Variants in FUS observed in about 807,000 individuals in gnomAD.
FUS encodes the protein FUS RNA binding protein.
FUS carries 5 observed loss-of-function variants against 82.7 expected under a neutral mutation model. The ratio of observed to expected loss-of-function variants is 0.06; its 90% CI spans 0.03 to 0.13. FUS has a LOEUF of 0.13. Ranked by LOEUF, FUS falls within the 10% of genes least tolerant of loss-of-function variation. FUS has a pLI of 1.00. For synonymous variants in FUS, 281 were observed against 247.4 expected (o/e 1.14, Z -1.27); for missense variants, 512 against 707.8 (o/e 0.72, Z 3.14).
At chr16:31,189,900 T>G (rs2079327254) in intron 10 of FUS, 106 bp downstream of exon 10, 2 of 1,596,454 alleles carry the variant, frequency 1.3e-6, no homozygotes, top group Non-Finnish European at 1.7e-6. Context: ...AACACTTACT[T>G]TAGCTGCGGT....
In FUS at chr16:31,185,076, AGTG is replaced by A. The variant is rs774111102; in HGVS notation, c.666_668del (p.Gly231del). On this transcript the variant is annotated inframe_deletion, in exon 6 of 15. Coordinates refer to ENST00000254108, the MANE Select transcript of FUS (RefSeq NM_004960.4). The stretch of plus-strand genomic sequence containing the variant: ...CCGTGGAGGCCGCGGCAGGGGTGGC[AGTG>A]GTGGCGGCGGCGGCGGCGGCGGTGG... 2 of 1,609,554 alleles carry A rather than the reference AGTG, an allele frequency of 1.2e-6. No homozygotes were observed. Among genetic ancestry groups the A allele is most frequent in the African/African-American group, 2.7e-5 (2 of 74,696 alleles).
At position 31,191,477 on chromosome 16, in the gene FUS, C is replaced by G. The variant is rs1181204966; in HGVS notation, c.*39C>G. 1.9e-6 allele frequency: 3 copies of G among 1,608,688 alleles called. No individual in the cohort carries two copies. The highest frequency in any genetic ancestry group is 1.3e-5 in the African/African-American group (1 of 74,624). On this transcript the variant is annotated 3_prime_UTR_variant, in exon 15 of 15. Transcript: ENST00000254108. ...CCAGGTTCTGGAACAGCTTTTTGTC[C>G]TGTACCCAGTGTTACCCTCGTTATT...
Position 31,189,374 on chromosome 16 carries a change from TA to T in FUS, c.936+149del, listed in dbSNP as rs1250674170. 2.4e-5 allele frequency: 19 copies of T among 798,744 alleles called. No homozygotes were observed. The East Asian group carries it at 4.8e-4, about 20-fold the overall frequency. 49.5% of individuals were successfully genotyped at this position (798,744 alleles called of 1,614,324 possible). ...GCTTAATTTGTTGAGGAAAGAGCCT[TA>T]GTTACTGTTTTCTAAAAGAGAAGTT... On this transcript the variant is annotated intron_variant, in intron 9 of 14. Transcript: ENST00000254108.
chr16:31,184,690 G>A (rs539572841), intron 5 of FUS, among the ~76,000 whole-genome samples: 20 of 152,100 alleles, frequency 1.3e-4, no homozygotes, highest in Middle Eastern at 6.8e-3. Flanking sequence ...TGATCCGCCC[G>A]CCTTGGCCTC....
chr16:31,180,126 A>G (rs538000979), upstream of FUS: 55 of 1,552,284 alleles, frequency 3.5e-5, no homozygotes, highest in South Asian at 6.2e-4. Flanking sequence ...GCTTCGACGC[A>G]GGAGGCGGGG....
chr16:31,184,438 CTTTTT>C (rs370126678), intron 5 of FUS, 42 bp downstream of exon 5: 234 of 1,210,872 alleles, frequency 1.9e-4, no homozygotes, highest in South Asian at 2.2e-4. Context: ...TTTTCTTTTT[CTTTTT>C]TTTTTTTTTT....
Position 31,191,051 on chromosome 16 carries a change from C to T in FUS, c.1482C>T (p.Phe494=), listed in dbSNP as rs747493802. 11 of 1,613,242 alleles carry T rather than the reference C, an allele frequency of 6.8e-6. No homozygotes were observed. Residue 494 remains phenylalanine, a synonymous_variant, in exon 14 of 15, where the codon TTC becomes TTT. Coordinates refer to ENST00000254108, the MANE Select transcript of FUS (RefSeq NM_004960.4). ...GCCGCGGCGGGGACCGTGGAGGCTT[C>T]CGAGGGGGCCGGGGTGGTGGGGACA... is the stretch of plus-strand genomic sequence containing the variant. ...YRGRGGDRGG[F]RGGRGGGDRG...
intron 6 of FUS, 41 bp downstream of exon 6, chr16:31,185,220 T>C (rs2079250226): frequency 6.4e-7 from 1 of 1,565,510 alleles, no homozygotes; most frequent in South Asian, 1.2e-5. Context: ...TGGTGGGGAG[T>C]GTGGAGGATT....
chr16:31,190,947 G>A lies in FUS; in HGVS notation c.1394-16G>A. 1 of 1,610,706 alleles carries A rather than the reference G, an allele frequency of 6.2e-7. No individual in the cohort carries two copies. The highest frequency in any genetic ancestry group is 2.2e-5 in the East Asian group (1 of 44,784). On this transcript the variant is annotated splice_polypyrimidine_tract_variant and intron_variant, in intron 13 of 14. Coordinates refer to ENST00000254108, the MANE Select transcript of FUS (RefSeq NM_004960.4). ...GGGGAATGGGAATATGATAGATCTT[G>A]TTTCTTTTGTCCTAGGGGGTAACTA...
intron 11 of FUS, 51 bp downstream of exon 11, chr16:31,190,192 A>C (rs749259015): frequency 2.0e-5 from 33 of 1,613,936 alleles, no homozygotes; most frequent in Admixed American, 3.3e-5. Context: ...AGAGTGCAGA[A>C]GATGGTAAAG....
At position 31,188,246 on chromosome 16, in the gene FUS, C is replaced by T. The variant is rs148885618; in HGVS notation, c.800-79C>T. On this transcript the variant is annotated intron_variant, in intron 7 of 14. Transcript: ENST00000254108. Reference sequence around the variant, plus strand: ...TTTGGTGTTAATTTTTTTCCTTGTCCGTTTTTTCCTGTTGACTAACGGCTC... The same window carrying T: ...TTTGGTGTTAATTTTTTTCCTTGTCTGTTTTTTCCTGTTGACTAACGGCTC... 1.8e-4 allele frequency: 265 copies of T among 1,482,254 alleles called. No homozygotes were observed. The African/African-American group carries it at 3.1e-3, about 17-fold the overall frequency. 91.8% of individuals were successfully genotyped at this position (1,482,254 alleles called of 1,614,324 possible). A position where few individuals can be genotyped will look rare whatever the true frequency, so the allele number is the denominator to read the frequency against.
Position 31,191,130 on chromosome 16 carries a change from TAA to T in FUS, c.1541+25_1541+26del. The stretch of plus-strand genomic sequence containing the variant: ...TTCCAGGTAAGACTTTAAATCAGAA[TAA>T]AAAAGTAGAGCAGTTGAACAGAGGC... On this transcript the variant is annotated intron_variant, in intron 14 of 14. Transcript: ENST00000254108. The T allele has an allele frequency of 6.2e-7, 1 of 1,611,460 alleles. No homozygotes were observed. Among genetic ancestry groups the T allele is most frequent in the Non-Finnish European group, 8.5e-7 (1 of 1,179,588 alleles).
intron 12 of FUS, 69 bp downstream of exon 12, chr16:31,190,467 A>T: frequency 6.2e-7 from 1 of 1,606,588 alleles, no homozygotes; most frequent in Non-Finnish European, 8.5e-7. Context: ...GTACTGAGGT[A>T]TGTGCGTGTT....
At chr16:31,185,288 G>T in intron 6 of FUS, 109 bp downstream of exon 6, 2 of 1,300,262 alleles carry the variant, frequency 1.5e-6, no homozygotes. Flanking sequence ...TGTTGTCTAG[G>T]GATCTGTGAG....
Position 31,188,310 on chromosome 16 carries a change from T to G in FUS, c.800-15T>G. The G allele has an allele frequency of 6.2e-7, 1 of 1,612,732 alleles. No homozygotes were observed. The highest frequency in any genetic ancestry group is 1.3e-5 in the African/African-American group (1 of 74,916). ...TTTTGTTTTTTTTTTGTTCTTTTTTTCCATGTCACTAAAGGCCCTCGGGAC... is the reference window on the plus strand; with the variant it reads ...TTTTGTTTTTTTTTTGTTCTTTTTTGCCATGTCACTAAAGGCCCTCGGGAC... On this transcript the variant is annotated splice_polypyrimidine_tract_variant and intron_variant, in intron 7 of 14. Transcript: ENST00000254108.
chr16:31,188,030 A>G lies in FUS; in HGVS notation c.800-295A>G, dbSNP rs950556906. Reference sequence around the variant, plus strand: ...TTAATGGGTCTCCGTTTCCCCTGCCACCTGTGCTGAGGACATTTCCCAGCC... The same window carrying G: ...TTAATGGGTCTCCGTTTCCCCTGCCGCCTGTGCTGAGGACATTTCCCAGCC... On this transcript the variant is annotated intron_variant, in intron 7 of 14. Coordinates refer to ENST00000254108, the MANE Select transcript of FUS (RefSeq NM_004960.4). 7 of 501,780 alleles carry G rather than the reference A, an allele frequency of 1.4e-5. 1 individual carries two copies. The highest frequency in any genetic ancestry group is 2.5e-5 in the Non-Finnish European group (7 of 279,570). The allele number at this position is 501,780 out of a possible 1,614,324, so 31.1% of individuals were successfully genotyped here.
chr16:31,188,347 T>C lies in FUS; in HGVS notation c.822T>C (p.Arg274=), dbSNP rs1176916906. 2 of 1,613,872 alleles carry C rather than the reference T, an allele frequency of 1.2e-6. No homozygotes were observed. The highest frequency in any genetic ancestry group is 2.2e-5 in the South Asian group (2 of 91,062). The change falls in exon 8 of 15, where the codon CGT becomes CGC. Residue 274 remains arginine (R), a synonymous_variant. Transcript: ENST00000254108. ...KFGGPRDQGS[R]HDSEQDNSDN... ...AAGGCCCTCGGGACCAAGGATCACG[T>C]CATGACTCCGGTGAGTTCACACGTG...
At chr16:31,182,228 T>C (rs2079189783) in intron 1 of FUS, 170 bp from the exon 2 acceptor site, 1 of 740,662 alleles carries the variant, frequency 1.4e-6, no homozygotes, top group African/African-American at 1.7e-5. Flanking sequence ...TGACCTCAAG[T>C]GATCCACCCA....
downstream of FUS, chr16:31,191,903 C>T (rs557895971): frequency 2.1e-4 from 112 of 536,876 alleles, no homozygotes; most frequent in African/African-American, 1.9e-3. Flanking sequence ...TTATTTGCAG[C>T]AGTTTATCCC....
Sources: allele counts gnomAD v4.1 joint callset (sites outside exome capture counted in the v4.1 genomes callset), GRCh38; gene constraint gnomAD v4.1.1; transcripts MANE v1.5; gene names NCBI Gene and HGNC (gene_info 2026-07-23, HGNC 2026-07-21).